Variants in GPR158 observed in about 807,000 individuals in gnomAD.
GPR158 encodes metabotropic glycine receptor.
Under a neutral mutation model 78.2 loss-of-function variants are expected in GPR158, and 30 were observed. That is an observed-to-expected ratio of 0.38 (90% CI 0.29 to 0.52). The LOEUF is 0.52. Among genes scored for constraint, GPR158 ranks in the 20% least tolerant of loss-of-function variants. The probability of loss-of-function intolerance (pLI) is 0.83; values close to 1 mark genes in which losing one functional copy is unlikely to be tolerated. For synonymous variants in GPR158, 581 were observed against 591.1 expected (o/e 0.98, Z 0.25); for missense variants, 1,463 against 1,523.5 (o/e 0.96, Z 0.66).
chr10:25,193,885 TAAAA>T (rs111919496), intron 1 of GPR158, among the ~76,000 whole-genome samples: 4 of 115,662 alleles, frequency 3.5e-5, no homozygotes, highest in African/African-American at 5.7e-5. Context: ...GGTAAAGGGG[TAAAA>T]AAAAAAAAAA....
intron 6 of GPR158, among the ~76,000 whole-genome samples, chr10:25,553,430 T>C (rs1364201865): frequency 6.6e-6 from 1 of 152,300 alleles, no homozygotes; most frequent in East Asian, 1.9e-4. Flanking sequence ...GAATCATTCT[T>C]ATCCTCTGTG....
At chr10:25,448,178 A>G (rs1399228152) in intron 4 of GPR158, among the ~76,000 whole-genome samples, 3 of 144,312 alleles carry the variant, frequency 2.1e-5, no homozygotes, top group African/African-American at 7.8e-5. Context: ...TCTGCCTCCC[A>G]GGTTCACGCC....
intron 2 of GPR158, among the ~76,000 whole-genome samples, chr10:25,371,430 G>A (rs541261472): frequency 2.0e-5 from 3 of 151,794 alleles, no homozygotes; most frequent in South Asian, 2.1e-4. Context: ...AAAGCTGGAG[G>A]CATCATGCTA....
intron 1 of GPR158, among the ~76,000 whole-genome samples, chr10:25,187,216 T>G (rs1852701560): frequency 6.6e-6 from 1 of 151,650 alleles, no homozygotes; most frequent in East Asian, 2.0e-4. Context: ...CCGCCTGTCT[T>G]GGCCTCCCAA....
chr10:25,563,711 AC>A (rs1836887997), intron 6 of GPR158, among the ~76,000 whole-genome samples: 1 of 152,052 alleles, frequency 6.6e-6, no homozygotes, highest in African/African-American at 2.4e-5. Context: ...GCTCCTATTA[AC>A]TTTTATGCTC....
intron 2 of GPR158, among the ~76,000 whole-genome samples, chr10:25,320,542 G>T (rs373543156): frequency 1.3e-5 from 2 of 152,198 alleles, no homozygotes; most frequent in African/African-American, 4.8e-5. Flanking sequence ...GGCAATTGCA[G>T]TGCCTAATAC....
At chr10:25,573,127 G>A (rs1469798856) in intron 7 of GPR158, among the ~76,000 whole-genome samples, 4 of 152,186 alleles carry the variant, frequency 2.6e-5, no homozygotes, top group Admixed American at 2.6e-4. Context: ...AAATAAATCA[G>A]AAAGGAGAAA....
At chr10:25,433,116 T>A (rs1834935044) in intron 4 of GPR158, among the ~76,000 whole-genome samples, 1 of 152,208 alleles carries the variant, frequency 6.6e-6, no homozygotes. Context: ...GAAACCAGCC[T>A]AATGTTACTT....
chr10:25,501,741 C>T (rs1022946258), intron 5 of GPR158, among the ~76,000 whole-genome samples: 1 of 152,146 alleles, frequency 6.6e-6, no homozygotes, highest in African/African-American at 2.4e-5. Flanking sequence ...GATGAGGGTG[C>T]TGGACAATAT....
chr10:25,501,590 T>G (rs941122027), intron 5 of GPR158, among the ~76,000 whole-genome samples: 1 of 152,108 alleles, frequency 6.6e-6, no homozygotes, highest in African/African-American at 2.4e-5. Flanking sequence ...AGGAAAACAG[T>G]CTGAAAACTG....
chr10:25,336,262 A>G (rs916280933), intron 2 of GPR158, among the ~76,000 whole-genome samples: 1 of 152,102 alleles, frequency 6.6e-6, no homozygotes, highest in Non-Finnish European at 1.5e-5. Flanking sequence ...TGAAGTCTGT[A>G]TAATTCTTGC....
At chr10:25,476,060 A>T (rs1835579545) in intron 5 of GPR158, 1 of 152,238 alleles carries the variant, frequency 6.6e-6, no homozygotes, top group South Asian at 2.1e-4. Context: ...ATGAGGACAA[A>T]CCAAAATCTG....
intron 6 of GPR158, among the ~76,000 whole-genome samples, chr10:25,560,288 C>T (rs566814560): frequency 7.2e-5 from 11 of 152,118 alleles, no homozygotes; most frequent in South Asian, 2.1e-4. Context: ...TTTTTTGAGA[C>T]GGAGTCTCGC....
intron 5 of GPR158, among the ~76,000 whole-genome samples, chr10:25,527,976 C>G (rs1272346367): frequency 1.3e-5 from 2 of 151,952 alleles, no homozygotes; most frequent in African/African-American, 4.8e-5. Flanking sequence ...ATACAACTTA[C>G]TAAAATTGAC....
intron 2 of GPR158, among the ~76,000 whole-genome samples, chr10:25,295,635 A>G (rs1180508733): frequency 3.3e-5 from 5 of 152,130 alleles, no homozygotes; most frequent in South Asian, 2.1e-4. Context: ...GGATGGTCTC[A>G]ATCTTCTGAC....
At position 25,531,488 on chromosome 10, in the gene GPR158, C is replaced by T. The variant is rs946874302; in HGVS notation, c.1405-19488C>T. ...AAATCTGAAAAAGTTTTATGGCAAC[C>T]TATAGTTACACCTAGATATTTATTT... On this transcript the variant is annotated intron_variant, in intron 5 of 10. Transcript: ENST00000376351. Among the ~76,000 whole-genome samples, 4 of 152,106 alleles carry T rather than the reference C, an allele frequency of 2.6e-5. No homozygotes were observed. The East Asian group carries it at 7.7e-4, about 29-fold the overall frequency.
Position 25,307,016 on chromosome 10 carries a change from CAGAGAGAG to C in GPR158, c.1008+85876_1008+85883del, listed in dbSNP as rs67926384. Among the ~76,000 whole-genome samples, 123 of 146,476 alleles carry C rather than the reference CAGAGAGAG, an allele frequency of 8.4e-4. 1 individual carries two copies. The East Asian group carries it at 0.02, about 24-fold the overall frequency. Reference sequence around the variant, plus strand: ...ACACACACATACGCACACACACATACAGAGAGAGAGAGAGAGAGAGAGAGGGAAAGAGA... The same window carrying C: ...ACACACACATACGCACACACACATACAGAGAGAGAGAGAGAGGGAAAGAGA... On this transcript the variant is annotated intron_variant, in intron 2 of 10. Coordinates refer to ENST00000376351, the MANE Select transcript of GPR158 (RefSeq NM_020752.3).
chr10:25,575,808 CA>C (rs916036327), intron 7 of GPR158, among the ~76,000 whole-genome samples: 1 of 151,876 alleles, frequency 6.6e-6, no homozygotes, highest in Non-Finnish European at 1.5e-5. Context: ...AAAAAATAAA[CA>C]GGAGCCATAA....
At chr10:25,200,451 C>T (rs1454748044) in intron 1 of GPR158, among the ~76,000 whole-genome samples, 1 of 152,132 alleles carries the variant, frequency 6.6e-6, no homozygotes, top group Non-Finnish European at 1.5e-5. Context: ...AATATTTTCT[C>T]CCATTCTGTG....
Sources: gnomAD v4.1 joint callset for allele counts (sites outside exome capture counted in the v4.1 genomes callset) on GRCh38, gnomAD v4.1.1 for gene constraint, MANE v1.5 for transcripts, NCBI Gene and HGNC (gene_info 2026-07-23, HGNC 2026-07-21) for gene names.